MARCHF1: variants seen among roughly 807,000 people sequenced by gnomAD.
MARCHF1 encodes the protein E3 ubiquitin-protein ligase MARCHF1.
Under a neutral mutation model 54.2 loss-of-function variants are expected in MARCHF1, and 40 were observed. The ratio of observed to expected loss-of-function variants is 0.74; its 90% CI spans 0.57 to 0.96. The LOEUF is 0.96. MARCHF1 is among the 40% of genes least tolerant of loss of function. The pLI is 0.00. For missense variants in MARCHF1, 586 were observed against 656.5 expected, an observed-to-expected ratio of 0.89 and a Z score of 1.17; for synonymous variants, 236 against 236.3, an observed-to-expected ratio of 1.00 and a Z score of 0.01.
At chr4:163,651,654 C>T (rs541640477) in intron 5 of MARCHF1, among the ~76,000 whole-genome samples, 4 of 151,256 alleles carry the variant, frequency 2.6e-5, no homozygotes, top group South Asian at 4.2e-4. Flanking sequence ...AAGTAGATGG[C>T]GTCAGCCCCA....
chr4:164,025,390 T>C (rs967598058), intron 2 of MARCHF1, among the ~76,000 whole-genome samples: 1 of 151,654 alleles, frequency 6.6e-6, no homozygotes, highest in Admixed American at 6.6e-5. Flanking sequence ...CCAACCACAC[T>C]CTCAGAACAC....
At chr4:163,678,716 A>T (rs1397375503) in intron 5 of MARCHF1, among the ~76,000 whole-genome samples, 1 of 152,194 alleles carries the variant, frequency 6.6e-6, no homozygotes, top group Non-Finnish European at 1.5e-5. Flanking sequence ...TGATGCTTTC[A>T]GGAATACCTT....
At chr4:163,791,878 T>C (rs1025485842) in intron 4 of MARCHF1, among the ~76,000 whole-genome samples, 3 of 152,146 alleles carry the variant, frequency 2.0e-5, no homozygotes, top group African/African-American at 7.2e-5. Flanking sequence ...TAGTCCATAG[T>C]AGCTTCCTAG....
At position 164,176,992 on chromosome 4, in the gene MARCHF1, A is replaced by C. The variant is rs1381860651; in HGVS notation, c.-322-65330T>G. Among the ~76,000 whole-genome samples the C allele has an allele frequency of 1.6e-3, 138 of 85,190 alleles. 1 individual carries two copies. The highest frequency in any genetic ancestry group is 4.3e-3 in the African/African-American group (73 of 16,856). The allele number at this position is 85,190 out of a possible 152,430, so 55.9% of individuals were successfully genotyped here. A position where few individuals can be genotyped will look rare whatever the true frequency, so the allele number is the denominator to read the frequency against. The stretch of plus-strand genomic sequence containing the variant: ...TCTCTCTCTCTCTCTATATATATAT[A>C]TATATATATATATATATACAAATGA... On this transcript the variant is annotated intron_variant, in intron 1 of 9. Transcript: ENST00000514618.
intron 5 of MARCHF1, among the ~76,000 whole-genome samples, chr4:163,644,330 G>C (rs1560994378): frequency 1.3e-5 from 2 of 152,146 alleles, no homozygotes; most frequent in East Asian, 3.9e-4. Context: ...GACCTAGGAG[G>C]GTCATTTTGA....
intron 4 of MARCHF1, among the ~76,000 whole-genome samples, chr4:163,794,906 A>C (rs1164860509): frequency 6.6e-6 from 1 of 152,182 alleles, no homozygotes; most frequent in African/African-American, 2.4e-5. Context: ...CCCCCACCAA[A>C]ACTGAGAAAT....
chr4:164,047,972 T>C (rs530724776), intron 2 of MARCHF1, among the ~76,000 whole-genome samples: 1 of 152,158 alleles, frequency 6.6e-6, no homozygotes, highest in African/African-American at 2.4e-5. Context: ...AGAGCAGCAT[T>C]AGCATATTCA....
chr4:164,301,031 A>G (rs6829484), intron 1 of MARCHF1, among the ~76,000 whole-genome samples: 108,692 of 152,038 alleles, frequency 0.71, 40,359 homozygotes, highest in South Asian at 0.88. Flanking sequence ...GCCTAGCATA[A>G]GATCTTCGGA....
intron 1 of MARCHF1, among the ~76,000 whole-genome samples, chr4:164,139,249 A>G (rs1756468649): frequency 6.6e-6 from 1 of 152,216 alleles, no homozygotes; most frequent in Admixed American, 6.5e-5. Context: ...ACTTTAAAAA[A>G]AAATCTTGAA....
chr4:164,330,106 T>C (rs1292608237), intron 1 of MARCHF1: 4 of 151,660 alleles, frequency 2.6e-5, no homozygotes, highest in Non-Finnish European at 5.9e-5. Context: ...GCCAAGTCCA[T>C]GCCAAGGGCA....
At chr4:163,767,212 A>T (rs1288386552) in intron 4 of MARCHF1, among the ~76,000 whole-genome samples, 1 of 152,008 alleles carries the variant, frequency 6.6e-6, no homozygotes. Context: ...ATGGGAAGAA[A>T]AGGCAATCCA....
intron 2 of MARCHF1, among the ~76,000 whole-genome samples, chr4:164,089,033 C>T (rs1755247853): frequency 6.6e-6 from 1 of 152,116 alleles, no homozygotes; most frequent in African/African-American, 2.4e-5. Flanking sequence ...CCTTCACATG[C>T]TCCTAAGATT....
chr4:164,245,504 A>G (rs867878967), intron 1 of MARCHF1, among the ~76,000 whole-genome samples: 3,136 of 151,722 alleles, frequency 0.021, 68 homozygotes, highest in African/African-American at 0.072. Flanking sequence ...TACTGAATGG[A>G]CAAAAACTGG....
intron 4 of MARCHF1, among the ~76,000 whole-genome samples, chr4:163,749,329 G>GT (rs1746453073): frequency 6.7e-6 from 1 of 148,380 alleles, no homozygotes; most frequent in Non-Finnish European, 1.5e-5. Context: ...TTTTGTTTTT[G>GT]TTTTTTTATT....
chr4:164,356,051 C>G (rs1425793663), intron 1 of MARCHF1, among the ~76,000 whole-genome samples: 5 of 136,472 alleles, frequency 3.7e-5, no homozygotes, highest in Non-Finnish European at 8.2e-5. Flanking sequence ...AAATGCAAAT[C>G]AAAGCCACTA....
intron 8 of MARCHF1, among the ~76,000 whole-genome samples, chr4:163,561,574 T>A (rs60573035): frequency 9.5e-4 from 145 of 152,326 alleles, no homozygotes; most frequent in African/African-American, 3.2e-3. Flanking sequence ...TATTTCACTA[T>A]TAGCACGTTT....
chr4:164,279,740 T>G (rs1733978369), intron 1 of MARCHF1, among the ~76,000 whole-genome samples: 1 of 113,028 alleles, frequency 8.8e-6, no homozygotes, highest in Non-Finnish European at 2.1e-5. Context: ...AACTGTGAAA[T>G]GTATGTGTAA....
At chr4:163,840,828 GTTAA>G (rs1427797717) in intron 4 of MARCHF1, among the ~76,000 whole-genome samples, 12 of 151,996 alleles carry the variant, frequency 7.9e-5, no homozygotes, top group Non-Finnish European at 1.3e-4. Context: ...TAATGAATAT[GTTAA>G]TTAATTAATG....
In MARCHF1 at chr4:164,133,549, C is replaced by T. The variant is rs114386523; in HGVS notation, c.-322-21887G>A. Among the ~76,000 whole-genome samples, 1,413 of 152,224 alleles carry T rather than the reference C, an allele frequency of 9.3e-3. 22 individuals carry two copies. The highest frequency in any genetic ancestry group is 0.032 in the African/African-American group (1,327 of 41,524). On this transcript the variant is annotated intron_variant, in intron 1 of 9. Coordinates refer to ENST00000514618, the MANE Select transcript of MARCHF1 (RefSeq NM_001394959.1). Reference sequence around the variant, plus strand: ...AAGCACAAATATAAACACAAATCTACGGTGCAACAGAGAATGAAATCTTGC... The same window carrying T: ...AAGCACAAATATAAACACAAATCTATGGTGCAACAGAGAATGAAATCTTGC...
Sources: gnomAD v4.1 joint callset for allele counts (sites outside exome capture counted in the v4.1 genomes callset) on GRCh38, gnomAD v4.1.1 for gene constraint, MANE v1.5 for transcripts, NCBI Gene and HGNC (gene_info 2026-07-23, HGNC 2026-07-21) for gene names.